Variants in EHBP1 observed in about 807,000 individuals in gnomAD.
EHBP1 encodes EH domain binding protein 1, also known as EH domain-binding protein 1.
A neutral mutation model predicts 144.0 loss-of-function variants in EHBP1; 55 were observed. That is an observed-to-expected ratio of 0.38 (90% CI 0.31 to 0.48). The LOEUF (loss-of-function observed/expected upper bound fraction) is 0.48. Among genes scored for constraint, EHBP1 ranks in the 20% least tolerant of loss-of-function variants. The probability of loss-of-function intolerance (pLI) is 0.98; values close to 1 mark genes in which losing one functional copy is unlikely to be tolerated. For synonymous variants in EHBP1, 469 were observed against 472.7 expected (o/e 0.99, Z 0.10); for missense variants, 1,200 against 1,364.2 (o/e 0.88, Z 1.90).
At chr2:62,944,269 C>G (rs541567030) in intron 12 of EHBP1, among the ~76,000 whole-genome samples, 1 of 152,080 alleles carries the variant, frequency 6.6e-6, no homozygotes, top group Non-Finnish European at 1.5e-5. Flanking sequence ...ATATATAAAC[C>G]TTGGTTCTTT....
intron 10 of EHBP1, among the ~76,000 whole-genome samples, chr2:62,897,837 T>G (rs1384606228): frequency 6.6e-6 from 1 of 152,242 alleles, no homozygotes; most frequent in Non-Finnish European, 1.5e-5. Context: ...TCCTATAAAC[T>G]ACCTATCCTA....
At chr2:63,007,224 T>TA (rs2060077738) in intron 19 of EHBP1, among the ~76,000 whole-genome samples, 1 of 151,880 alleles carries the variant, frequency 6.6e-6, no homozygotes, top group Admixed American at 6.6e-5. Flanking sequence ...AAAAAGTGTT[T>TA]AGAGTATAAT....
intron 10 of EHBP1, among the ~76,000 whole-genome samples, chr2:62,920,692 T>G (rs2055002819): frequency 6.6e-6 from 1 of 152,074 alleles, no homozygotes; most frequent in African/African-American, 2.4e-5. Flanking sequence ...AGACAGAGTC[T>G]CTCTGTGTCA....
chr2:62,726,106 T>G (rs2036763997), intron 2 of EHBP1, among the ~76,000 whole-genome samples: 1 of 152,112 alleles, frequency 6.6e-6, no homozygotes, highest in Non-Finnish European at 1.5e-5. Context: ...AAATCTCCTA[T>G]GGGAGCAAGT....
At chr2:62,894,528 G>A (rs889933430) in intron 10 of EHBP1, among the ~76,000 whole-genome samples, 1 of 152,094 alleles carries the variant, frequency 6.6e-6, no homozygotes, top group African/African-American at 2.4e-5. Flanking sequence ...ATTTCAACAG[G>A]AACAGGTGGG....
At chr2:62,914,060 C>G (rs1348196447) in intron 10 of EHBP1, among the ~76,000 whole-genome samples, 2 of 152,000 alleles carry the variant, frequency 1.3e-5, no homozygotes, top group African/African-American at 4.8e-5. Context: ...AGTGTCAAAC[C>G]TTTTCAATCA....
chr2:62,816,335 A>T (rs762612198), intron 5 of EHBP1, among the ~76,000 whole-genome samples: 6 of 152,176 alleles, frequency 3.9e-5, no homozygotes, highest in Non-Finnish European at 7.4e-5. Context: ...ATTCTTCATA[A>T]AACATGTTAA....
At position 63,045,495 on chromosome 2, in the gene EHBP1, C is replaced by T; in HGVS notation, c.3478C>T (p.Gln1160Ter). 1 of 1,611,670 alleles carries T rather than the reference C, an allele frequency of 6.2e-7. No individual in the cohort carries two copies. The highest frequency in any genetic ancestry group is 8.5e-7 in the Non-Finnish European group (1 of 1,178,288). The change falls in exon 23 of 23, where the codon CAG becomes TAG. Residue 1160 changes from glutamine (Q) to a stop codon, truncating the protein, a stop_gained. Transcript: ENST00000431489. LOFTEE classifies it high-confidence loss of function. The surrounding 1 kb of genome is among the most constrained non-coding windows in gnomAD (Gnocchi z 5.7). ...MAKKEEKCVLQ is the reference protein window; with the variant it reads ...MAKKEEKCVL ...CAAGAAAGAGGAGAAATGTGTTCTT[C>T]AGTAGCCATCAGATCAGAAAGAATC...
At chr2:62,874,566 T>A in intron 10 of EHBP1, 34 bp downstream of exon 10, 1 of 1,504,236 alleles carries the variant, frequency 6.6e-7, no homozygotes, top group Non-Finnish European at 9.0e-7. Context: ...CATGTATTAA[T>A]ATTTGCTGTT....
Position 62,747,380 on chromosome 2 carries a change from T to C in EHBP1, c.105-15T>C. The C allele has an allele frequency of 6.2e-7, 1 of 1,606,692 alleles. No homozygotes were observed. The highest frequency in any genetic ancestry group is 8.5e-7 in the Non-Finnish European group (1 of 1,176,804). On this transcript the variant is annotated splice_polypyrimidine_tract_variant and intron_variant, in intron 2 of 22. Transcript: ENST00000431489. ...TTTAAGATAAATTATGTTTAACTTT[T>C]TTTTTGTTTGGCAGGCAACCAGATA...
intron 10 of EHBP1, among the ~76,000 whole-genome samples, chr2:62,902,175 A>C (rs1394303145): frequency 1.3e-5 from 2 of 152,132 alleles, no homozygotes; most frequent in Non-Finnish European, 2.9e-5. Flanking sequence ...GTGCTTTGCC[A>C]TTGGCTTCTC....
At chr2:62,802,680 G>A (rs1210495280) in intron 5 of EHBP1, among the ~76,000 whole-genome samples, 1 of 151,048 alleles carries the variant, frequency 6.6e-6, no homozygotes, top group Non-Finnish European at 1.5e-5. Context: ...TGTATTTAAA[G>A]GTTGTTAGGT....
chr2:62,675,845 T>A (rs2033268501), intron 1 of EHBP1, among the ~76,000 whole-genome samples: 1 of 152,182 alleles, frequency 6.6e-6, no homozygotes, highest in African/African-American at 2.4e-5. Flanking sequence ...CTCCACCTCC[T>A]GGCCTCAAGC....
At position 62,993,966 on chromosome 2, in the gene EHBP1, G is replaced by A; in HGVS notation, c.2968G>A (p.Glu990Lys). Reference protein sequence around the residue: ...TETQRKPSEDEVLNKGFKDTS... With the variant: ...TETQRKPSEDKVLNKGFKDTS... ...AACTCAGAGGAAGCCATCAGAAGAT[G>A]AAGTGCTTAATGTATATTAATTTTT... Residue 990 changes from glutamate to lysine, a missense_variant, in exon 18 of 23, where the codon GAA becomes AAA. By Grantham distance (56) the Glu-to-Lys change is moderately conservative. Around this residue, in one of 6 missense-constraint regions of EHBP1, gnomAD observed 149 missense variants for 217.0 expected, o/e 0.69. Coordinates refer to ENST00000431489, the MANE Select transcript of EHBP1 (RefSeq NM_001142616.3). 1 of 1,573,986 alleles carries A rather than the reference G, an allele frequency of 6.4e-7. No individual in the cohort carries two copies. The highest frequency in any genetic ancestry group is 8.6e-7 in the Non-Finnish European group (1 of 1,156,448).
At chr2:62,755,413 G>GT (rs143776661) in intron 3 of EHBP1, among the ~76,000 whole-genome samples, 5,370 of 147,852 alleles carry the variant, frequency 0.036, 231 homozygotes, top group South Asian at 0.2. Context: ...ATGAACATTT[G>GT]TTTTTTTTTT....
intron 5 of EHBP1, among the ~76,000 whole-genome samples, chr2:62,785,101 A>G (rs1189815821): frequency 6.6e-6 from 1 of 152,026 alleles, no homozygotes; most frequent in Admixed American, 6.6e-5. Flanking sequence ...TGTACCTGTG[A>G]ACAACTGAAA....
At chr2:62,743,760 G>GA (rs762141211) in intron 2 of EHBP1, among the ~76,000 whole-genome samples, 1 of 152,076 alleles carries the variant, frequency 6.6e-6, no homozygotes. Flanking sequence ...TGGTGAAGAG[G>GA]AGGGCATGCC....
rs540504691 is a variant in EHBP1, at chr2:62,755,726, A to G, written c.162+8274A>G. Among the ~76,000 whole-genome samples, 129 of 152,338 alleles carry G rather than the reference A, an allele frequency of 8.5e-4. 2 individuals are homozygous for G. The South Asian group carries it at 0.026, about 31-fold the overall frequency. On this transcript the variant is annotated intron_variant, in intron 3 of 22. Coordinates refer to ENST00000431489, the MANE Select transcript of EHBP1 (RefSeq NM_001142616.3). ...AAGGGGTTTTAAAAAGAAACATAAC[A>G]TTTGTTGGTCAATATAAGCTTTTGT...
intron 19 of EHBP1, among the ~76,000 whole-genome samples, chr2:63,021,304 G>C (rs1442230020): frequency 6.6e-6 from 1 of 152,046 alleles, no homozygotes; most frequent in Non-Finnish European, 1.5e-5. Context: ...TAAGGCTAGA[G>C]AATTATTTTT....
Sources: gnomAD v4.1 joint callset for allele counts (sites outside exome capture counted in the v4.1 genomes callset) on GRCh38, gnomAD v4.1.1 for gene constraint, gnomAD v4.1.1 regional missense constraint, Gnocchi (gnomAD v3.1) non-coding constraint, MANE v1.5 for transcripts, NCBI Gene and HGNC (gene_info 2026-07-23, HGNC 2026-07-21) for gene names.